RELL1: variants seen among roughly 807,000 people sequenced by gnomAD.
RELL1 encodes the protein RELT-like protein 1.
RELL1 carries 10 observed loss-of-function variants against 23.0 expected under a neutral mutation model. That is an observed-to-expected ratio of 0.43 (90% CI 0.27 to 0.74). RELL1 has a LOEUF of 0.74. RELL1 is among the 30% of genes least tolerant of loss of function. The pLI, the probability that RELL1 is intolerant of heterozygous loss-of-function variation, is 0.19. For missense variants in RELL1, 315 were observed against 364.4 expected (o/e 0.86, Z 1.10); for synonymous variants, 146 against 146.8 (o/e 0.99, Z 0.04).
At chr4:37,624,317 AT>A (rs1190954579) in intron 6 of RELL1, among the ~76,000 whole-genome samples, 1 of 151,980 alleles carries the variant, frequency 6.6e-6, no homozygotes, top group Non-Finnish European at 1.5e-5. Flanking sequence ...CCACCCTCTG[AT>A]TTTTATAATA....
rs546339779 is a variant in RELL1, at chr4:37,612,322, T to TTAAAAAA, written c.*1023_*1024insTTTTTTA. ...AACCAAGAATCGCTCAGCTAAAGGTTAAAAAAAAAAAAAAAACAAAAAAAA... is the reference window on the plus strand; with the variant it reads ...AACCAAGAATCGCTCAGCTAAAGGTTTAAAAAAAAAAAAAAAAAAAAAACAAAAAAAA... On this transcript the variant is annotated 3_prime_UTR_variant, in exon 7 of 7. Transcript: ENST00000454158. 2.4e-5 allele frequency among the ~76,000 whole-genome samples: 2 copies of TTAAAAAA among 83,508 alleles called. No homozygotes were observed. Among genetic ancestry groups the TTAAAAAA allele is most frequent in the Non-Finnish European group, 2.2e-5 (1 of 44,708 alleles). The allele number at this position is 83,508 out of a possible 152,430, so 54.8% of individuals were successfully genotyped here. A position where few individuals can be genotyped will look rare whatever the true frequency, so the allele number is the denominator to read the frequency against.
At chr4:37,659,172 C>T (rs181967007) in intron 1 of RELL1, among the ~76,000 whole-genome samples, 114 of 152,336 alleles carry the variant, frequency 7.5e-4, no homozygotes, top group African/African-American at 2.7e-3. Context: ...ATGTCCAACA[C>T]AAAGGCCAGT....
intron 1 of RELL1, among the ~76,000 whole-genome samples, chr4:37,652,611 G>A (rs1022132564): frequency 6.6e-6 from 1 of 152,022 alleles, no homozygotes; most frequent in Non-Finnish European, 1.5e-5. Flanking sequence ...CTTTTTTAGG[G>A]GGACAATGGG....
In RELL1 at chr4:37,649,510, G is replaced by T; in HGVS notation, c.89-10C>A. 6.2e-7 allele frequency: 1 copy of T among 1,608,780 alleles called. No individual in the cohort carries two copies. The highest frequency in any genetic ancestry group is 8.5e-7 in the Non-Finnish European group (1 of 1,176,010). On this transcript the variant is annotated splice_polypyrimidine_tract_variant and intron_variant, in intron 1 of 6. Transcript: ENST00000454158. Reference sequence around the variant, plus strand: ...CGGCTGCTCCCATTGTCTACAGAAAGAAACATGCATGCTGCATTAGATATC... The same window carrying T: ...CGGCTGCTCCCATTGTCTACAGAAATAAACATGCATGCTGCATTAGATATC...
chr4:37,631,078 G>A (rs1471275507), intron 6 of RELL1, among the ~76,000 whole-genome samples: 3 of 152,094 alleles, frequency 2.0e-5, no homozygotes, highest in Non-Finnish European at 4.4e-5. Context: ...AGCCCTATAT[G>A]GTGGGTGATG....
chr4:37,586,736 C>T (rs1243823926), downstream of RELL1, among the ~76,000 whole-genome samples: 1 of 152,168 alleles, frequency 6.6e-6, no homozygotes, highest in Admixed American at 6.5e-5. Flanking sequence ...ATGGTGAAAC[C>T]TCATCTCTAC....
intron 1 of RELL1, among the ~76,000 whole-genome samples, chr4:37,668,470 G>A (rs1022771325): frequency 3.9e-5 from 6 of 152,000 alleles, no homozygotes; most frequent in African/African-American, 1.2e-4. Context: ...CGCCAGCCTC[G>A]GCCTCCCGAG....
chr4:37,666,506 T>G (rs1024782972), intron 1 of RELL1, among the ~76,000 whole-genome samples: 1 of 152,214 alleles, frequency 6.6e-6, no homozygotes, highest in African/African-American at 2.4e-5. Context: ...AGTTAAGACT[T>G]GATAAATGCT....
chr4:37,666,091 T>C (rs1721521165), intron 1 of RELL1, among the ~76,000 whole-genome samples: 1 of 152,228 alleles, frequency 6.6e-6, no homozygotes. Flanking sequence ...TCAACTACTT[T>C]ACCACCAACT....
chr4:37,659,176 G>A (rs905004475), intron 1 of RELL1, among the ~76,000 whole-genome samples: 8 of 152,190 alleles, frequency 5.3e-5, no homozygotes, highest in African/African-American at 1.7e-4. Flanking sequence ...CCAACACAAA[G>A]GCCAGTGTTT....
chr4:37,649,381 T>C lies in RELL1; in HGVS notation c.208A>G (p.Met70Val). The change falls in exon 2 of 7, where the codon ATG becomes GTG. Residue 70 changes from methionine to valine, a missense_variant. By Grantham distance (21) the Met-to-Val change is conservative (BLOSUM62 1). Coordinates refer to ENST00000454158, the MANE Select transcript of RELL1 (RefSeq NM_001085400.2). Reference sequence around the variant, plus strand: ...CAAATGAGGACGCCAAAGAGACCCATGATAAAGAACACAGGGACAAGCGCG... The same window carrying C: ...CAAATGAGGACGCCAAAGAGACCCACGATAAAGAACACAGGGACAAGCGCG... Reference protein sequence around the residue: ...AYALVPVFFIMGLFGVLICHL... With the variant: ...AYALVPVFFIVGLFGVLICHL... 1.2e-6 allele frequency: 2 copies of C among 1,614,216 alleles called. No individual in the cohort carries two copies. The highest frequency in any genetic ancestry group is 1.7e-6 in the Non-Finnish European group (2 of 1,180,034).
At chr4:37,588,819 C>T (rs1487267752), downstream of RELL1, 1 of 1,543,692 alleles carries the variant, frequency 6.5e-7, no homozygotes, top group East Asian at 2.2e-5. Flanking sequence ...TCACTGTGTT[C>T]TCTACCTTTT....
intron 1 of RELL1, among the ~76,000 whole-genome samples, chr4:37,674,702 A>G (rs889385871): frequency 1.3e-5 from 2 of 151,042 alleles, no homozygotes; most frequent in Non-Finnish European, 2.9e-5. Flanking sequence ...GAACTGTTAG[A>G]ACATTTGAAA....
At chr4:37,668,877 G>A (rs950500139) in intron 1 of RELL1, among the ~76,000 whole-genome samples, 14 of 151,218 alleles carry the variant, frequency 9.3e-5, no homozygotes, top group Admixed American at 5.2e-4. Context: ...CGCCTCGTCC[G>A]GGATGTGAGG....
chr4:37,605,920 AGG>A, downstream of RELL1, among the ~76,000 whole-genome samples: 3 of 28,212 alleles, frequency 1.1e-4, no homozygotes, highest in African/African-American at 1.7e-4. Context: ...GAAGGAAGGG[AGG>A]GAGGGAGAGA....
intron 1 of RELL1, among the ~76,000 whole-genome samples, chr4:37,678,391 A>G (rs1428280899): frequency 6.6e-6 from 1 of 152,230 alleles, no homozygotes; most frequent in Non-Finnish European, 1.5e-5. Flanking sequence ...TATAAAGGTA[A>G]TGCTTTCCTT....
intron 1 of RELL1, among the ~76,000 whole-genome samples, chr4:37,683,016 G>A (rs950974722): frequency 6.6e-6 from 1 of 152,170 alleles, no homozygotes; most frequent in Non-Finnish European, 1.5e-5. Context: ...AGTTTCGAAT[G>A]CTGCTGCTAA....
At chr4:37,593,506 C>A (rs2109473407) in intron 6 of RELL1, among the ~76,000 whole-genome samples, 1 of 151,888 alleles carries the variant, frequency 6.6e-6, no homozygotes, top group Non-Finnish European at 1.5e-5. Flanking sequence ...GGAATAAAAA[C>A]CCCACTCACT....
intron 6 of RELL1, among the ~76,000 whole-genome samples, chr4:37,629,144 G>A (rs1356848781): frequency 6.6e-6 from 1 of 152,100 alleles, no homozygotes; most frequent in Admixed American, 6.6e-5. Flanking sequence ...TGGTGCAATC[G>A]GCTCCATCTC....
Sources: allele counts gnomAD v4.1 joint callset (sites outside exome capture counted in the v4.1 genomes callset), GRCh38; gene constraint gnomAD v4.1.1; transcripts MANE v1.5; gene names NCBI Gene and HGNC (gene_info 2026-07-23, HGNC 2026-07-21).